The following LRRTM3 variants were observed in gnomAD, a reference collection of about 807,000 sequenced individuals.
LRRTM3 encodes leucine rich repeat transmembrane neuronal 3.
In LRRTM3, 24 loss-of-function variants were observed where a neutral mutation model predicts 44.7. That is an observed-to-expected ratio of 0.54 (90% confidence interval 0.39 to 0.76). The LOEUF (loss-of-function observed/expected upper bound fraction) is 0.76, where lower values mean the gene tolerates loss of function less well. Ranked by LOEUF, LRRTM3 falls within the 30% of genes least tolerant of loss-of-function variation. LRRTM3 has a pLI of 0.00. For synonymous variants in LRRTM3, 277 were observed against 278.7 expected, an observed-to-expected ratio of 0.99 and a Z score of 0.06; for missense variants, 587 against 702.2, an observed-to-expected ratio of 0.84 and a Z score of 1.85.
At chr10:67,029,250 G>A (rs187298314) in intron 2 of LRRTM3, among the ~76,000 whole-genome samples, 13 of 152,258 alleles carry the variant, frequency 8.5e-5, no homozygotes, top group Non-Finnish European at 1.5e-4. Flanking sequence ...AATAAAACAT[G>A]AATTTACAGT....
chr10:66,999,361 A>G (rs1851550272), intron 2 of LRRTM3, among the ~76,000 whole-genome samples: 1 of 152,168 alleles, frequency 6.6e-6, no homozygotes, highest in Non-Finnish European at 1.5e-5. Context: ...TTTTCAAGAA[A>G]AAACTTGGGA....
At chr10:66,968,759 G>A (rs960239605) in intron 2 of LRRTM3, among the ~76,000 whole-genome samples, 1 of 152,120 alleles carries the variant, frequency 6.6e-6, no homozygotes, top group African/African-American at 2.4e-5. Context: ...GCTCACACCT[G>A]TAATCCCAGC....
At chr10:67,082,456 A>C (rs1857100497) in intron 2 of LRRTM3, among the ~76,000 whole-genome samples, 1 of 152,172 alleles carries the variant, frequency 6.6e-6, no homozygotes, top group African/African-American at 2.4e-5. Flanking sequence ...TTAAAACCCT[A>C]AACCCCCAAG....
At chr10:66,996,065 A>ATAT (rs772940558) in intron 2 of LRRTM3, among the ~76,000 whole-genome samples, 1 of 152,120 alleles carries the variant, frequency 6.6e-6, no homozygotes, top group Non-Finnish European at 1.5e-5. Context: ...ATATTTTGTA[A>ATAT]TATTATCCTA....
intron 2 of LRRTM3, among the ~76,000 whole-genome samples, chr10:66,973,010 A>C (rs1164075052): frequency 6.6e-6 from 1 of 152,210 alleles, no homozygotes; most frequent in Non-Finnish European, 1.5e-5. Context: ...AGTCAACCAC[A>C]AGCAGTTTTA....
chr10:66,986,950 G>C (rs770937492), intron 2 of LRRTM3, among the ~76,000 whole-genome samples: 4 of 152,072 alleles, frequency 2.6e-5, no homozygotes, highest in Non-Finnish European at 5.9e-5. Context: ...AAGGAGTCAA[G>C]GTCACATCGT....
chr10:67,026,280 A>C (rs1312480002), intron 2 of LRRTM3, among the ~76,000 whole-genome samples: 1 of 152,094 alleles, frequency 6.6e-6, no homozygotes, highest in East Asian at 1.9e-4. Flanking sequence ...AAAAAAAGAG[A>C]GAAAAAAATA....
chr10:67,014,077 C>G (rs541903170), intron 2 of LRRTM3, among the ~76,000 whole-genome samples: 1 of 152,200 alleles, frequency 6.6e-6, no homozygotes, highest in South Asian at 2.1e-4. Context: ...CCCCTTAAAG[C>G]AAAGAATCAA....
rs1422861150 is a variant in LRRTM3 at position 67,099,264 on chromosome 10, C to T, written c.*1468C>T. Reference sequence around the variant, plus strand: ...ATAATCAACTTGTTTGTGCTGTTTGCTTGACATAGGTTATTGTTTGAAAAT... The same window carrying T: ...ATAATCAACTTGTTTGTGCTGTTTGTTTGACATAGGTTATTGTTTGAAAAT... On this transcript the variant is annotated 3_prime_UTR_variant, in exon 3 of 3. Transcript: ENST00000361320. 1 of 151,292 alleles carries T rather than the reference C, an allele frequency of 6.6e-6. No homozygotes were observed. The highest frequency in any genetic ancestry group is 1.5e-5 in the Non-Finnish European group (1 of 67,680). The allele number at this position is 151,292 out of a possible 1,614,324, so 9.4% of individuals were successfully genotyped here.
At chr10:67,034,901 A>G (rs1028634092) in intron 2 of LRRTM3, among the ~76,000 whole-genome samples, 2 of 152,166 alleles carry the variant, frequency 1.3e-5, no homozygotes, top group East Asian at 3.9e-4. Context: ...TCATGTTGAC[A>G]TATCTCTTGG....
chr10:67,088,133 C>A (rs1226365561), intron 2 of LRRTM3, among the ~76,000 whole-genome samples: 2 of 151,306 alleles, frequency 1.3e-5, no homozygotes, highest in Admixed American at 1.3e-4. Flanking sequence ...TTGAGAGATG[C>A]CAAATGGGGA....
intron 2 of LRRTM3, among the ~76,000 whole-genome samples, chr10:67,042,920 T>A (rs551028322): frequency 6.6e-6 from 1 of 152,160 alleles, no homozygotes; most frequent in South Asian, 2.1e-4. Flanking sequence ...AATTTGAATA[T>A]ATTCGAACGC....
At chr10:66,972,796 C>A (rs1220615813) in intron 2 of LRRTM3, among the ~76,000 whole-genome samples, 1 of 150,634 alleles carries the variant, frequency 6.6e-6, no homozygotes, top group East Asian at 2.0e-4. Context: ...CTGCAACCTC[C>A]ACCTCCTGGG....
chr10:67,096,374 T>TA (rs1857995127), intron 2 of LRRTM3, among the ~76,000 whole-genome samples: 1 of 151,702 alleles, frequency 6.6e-6, no homozygotes, highest in African/African-American at 2.4e-5. Flanking sequence ...ATGCAGTTAA[T>TA]AAAAAAATAA....
In LRRTM3 at chr10:66,926,182, AGATGTGGCAGCT is replaced by A; in HGVS notation, c.-401_-390del. The A allele has an allele frequency of 2.2e-6, 1 of 459,552 alleles. No individual in the cohort carries two copies. Among genetic ancestry groups the A allele is most frequent in the Non-Finnish European group, 4.3e-6 (1 of 230,126 alleles). 28.5% of individuals were successfully genotyped at this position (459,552 alleles called of 1,614,324 possible). A position where few individuals can be genotyped will look rare whatever the true frequency, so the allele number is the denominator to read the frequency against. On this transcript the variant is annotated 5_prime_UTR_variant, in exon 1 of 3. It removes an upstream start codon present in the reference 5' UTR. Coordinates refer to ENST00000361320, the MANE Select transcript of LRRTM3 (RefSeq NM_178011.5). ...CGGGAACTGCTGGGGTATGGAATAC[AGATGTGGCAGCT>A]CAGGTAGCCCCAAATTGCCTGGAAG...
chr10:66,950,293 A>G (rs1848473882), intron 2 of LRRTM3, among the ~76,000 whole-genome samples: 1 of 152,080 alleles, frequency 6.6e-6, no homozygotes, highest in Admixed American at 6.6e-5. Flanking sequence ...TCTAACTTGA[A>G]GTATATTTAC....
chr10:66,989,598 A>T (rs2132927479), intron 2 of LRRTM3, among the ~76,000 whole-genome samples: 1 of 152,316 alleles, frequency 6.6e-6, no homozygotes, highest in South Asian at 2.1e-4. Flanking sequence ...GTGGGTAAAG[A>T]GATGTGTATA....
chr10:66,986,192 C>T lies in LRRTM3; in HGVS notation c.1536+57740C>T, dbSNP rs117805607. Among the ~76,000 whole-genome samples, 68 of 152,098 alleles carry T rather than the reference C, an allele frequency of 4.5e-4. No individual in the cohort carries two copies. The East Asian group carries it at 0.013, about 29-fold the overall frequency. ...TGTATACTTTAGATATAATTACTTG[C>T]CAGATTAATTAAAATAGCAAGACTG... On this transcript the variant is annotated intron_variant, in intron 2 of 2. Transcript: ENST00000361320.
intron 2 of LRRTM3, among the ~76,000 whole-genome samples, chr10:66,958,308 CAAAAAAAAAA>C (rs35076056): frequency 8.6e-4 from 75 of 86,890 alleles, no homozygotes; most frequent in South Asian, 4.4e-3. Flanking sequence ...TGCTTTCTTG[CAAAAAAAAAA>C]AAAAAAAAAA....
Sources: gnomAD v4.1 joint callset for allele counts (sites outside exome capture counted in the v4.1 genomes callset) on GRCh38, gnomAD v4.1.1 for gene constraint, MANE v1.5 for transcripts, NCBI Gene and HGNC (gene_info 2026-07-23, HGNC 2026-07-21) for gene names.